The following TRANK1 variants were observed in gnomAD, a reference collection of about 807,000 sequenced individuals.
The protein encoded by TRANK1 is tetratricopeptide repeat and ankyrin repeat containing 1.
Under a neutral mutation model 266.0 loss-of-function variants are expected in TRANK1, and 198 were observed. The ratio of observed to expected loss-of-function variants is 0.74; its 90% CI spans 0.66 to 0.84. The LOEUF (loss-of-function observed/expected upper bound fraction) is 0.84, where lower values mean the gene tolerates loss of function less well. TRANK1 is among the 40% of genes least tolerant of loss of function. TRANK1 has a pLI of 0.00. For synonymous variants in TRANK1, 1,396 were observed against 1,384.1 expected (o/e 1.01, Z -0.19); for missense variants, 3,326 against 3,634.6 (o/e 0.92, Z 2.18).
chr3:36,933,967 A>G (rs2125665912), intron 1 of TRANK1, among the ~76,000 whole-genome samples: 2 of 152,312 alleles, frequency 1.3e-5, no homozygotes, highest in Admixed American at 1.3e-4. Context: ...TTCCACTGTG[A>G]TTGTTCCTTT....
chr3:36,934,780 A>T (rs1203350880), intron 1 of TRANK1, among the ~76,000 whole-genome samples: 1 of 152,146 alleles, frequency 6.6e-6, no homozygotes, highest in Non-Finnish European at 1.5e-5. Context: ...AGAATGTCCT[A>T]ACTAGAAAAC....
At chr3:36,875,594 TG>T (rs2079376133) in intron 8 of TRANK1, among the ~76,000 whole-genome samples, 1 of 152,212 alleles carries the variant, frequency 6.6e-6, no homozygotes, top group Non-Finnish European at 1.5e-5. Flanking sequence ...AAATGGGTGT[TG>T]TTTCAAGCCA....
At position 36,832,797 on chromosome 3, in the gene TRANK1, A is replaced by G. The variant is rs749164775; in HGVS notation, c.6786T>C (p.Tyr2262=). ...CATCCAGAATGGACTTGCAAAGGCC[A>G]TACATATCTGTAGACAAAATATAAT... ...EIDYILSTDM[Y]GLCKSILDVL... is the part of the protein sequence containing the mutation. The change falls in exon 22 of 24, where the codon TAT becomes TAC. Residue 2262 remains tyrosine (Y), a synonymous_variant. Coordinates refer to ENST00000645898, the MANE Select transcript of TRANK1 (RefSeq NM_001329998.2). 6.2e-7 allele frequency: 1 copy of G among 1,614,074 alleles called. No homozygotes were observed. The highest frequency in any genetic ancestry group is 1.1e-5 in the South Asian group (1 of 91,090).
At chr3:36,854,768 T>TC (rs2079029076) in intron 13 of TRANK1, among the ~76,000 whole-genome samples, 1 of 150,668 alleles carries the variant, frequency 6.6e-6, no homozygotes, top group Non-Finnish European at 1.5e-5. Flanking sequence ...CACCCTCCCT[T>TC]TTTTTTTTTT....
In TRANK1 at chr3:36,831,903, C is replaced by T. The variant is rs1247966141; in HGVS notation, c.7680G>A (p.Glu2560=). Residue 2560 remains glutamate (E), a synonymous_variant, in exon 22 of 24, where the codon GAG becomes GAA. Coordinates refer to ENST00000645898, the MANE Select transcript of TRANK1 (RefSeq NM_001329998.2). This position sits in a 1 kb window ranked among gnomAD's most constrained non-coding sequence, Gnocchi z 5.0. The part of the protein sequence containing the change: ...EIDYVVSGEA[E]RTLVLCLVML... ...TCACCAAGCACAGCACCAGTGTCCG[C>T]TCAGCCTCACCCGAGACCACATAGT... The T allele has an allele frequency of 6.2e-7, 1 of 1,614,040 alleles. No individual in the cohort carries two copies. Among genetic ancestry groups the T allele is most frequent in the Admixed American group, 1.7e-5 (1 of 60,034 alleles).
At chr3:36,882,222 T>C (rs2079541938) in intron 8 of TRANK1, among the ~76,000 whole-genome samples, 1 of 152,212 alleles carries the variant, frequency 6.6e-6, no homozygotes, top group African/African-American at 2.4e-5. Context: ...GATCCAAGTT[T>C]TCCACTTCCT....
At chr3:36,829,408 T>C (rs1268293022) in intron 23 of TRANK1, among the ~76,000 whole-genome samples, 156 bp downstream of exon 23, 1 of 152,162 alleles carries the variant, frequency 6.6e-6, no homozygotes, top group Admixed American at 6.5e-5. Context: ...ATTATGTTGC[T>C]AGTAATTTGA....
chr3:36,832,770 G>A lies in TRANK1; in HGVS notation c.6813C>T (p.Val2271=), dbSNP rs1047774131. The A allele has an allele frequency of 6.2e-7, 1 of 1,614,030 alleles. No individual in the cohort carries two copies. The highest frequency in any genetic ancestry group is 1.7e-5 in the Admixed American group (1 of 60,024). The change falls in exon 22 of 24, where the codon GTC becomes GTT. Residue 2271 remains valine, a synonymous_variant. Transcript: ENST00000645898. The part of the protein sequence containing the change: ...MYGLCKSILD[V]LFPKHFHQRV... ...TCTGATGGAAATGCTTAGGGAAAAG[G>A]ACATCCAGAATGGACTTGCAAAGGC...
At position 36,852,278 on chromosome 3, in the gene TRANK1, G is replaced by A. The variant is rs766274713; in HGVS notation, c.4617C>T (p.Arg1539=). ...CAAAGAGGCCAGAATCCCTTGGAAG[G>A]CGATCAAAAGATTCTGGGAAATAGA... ...LQFYFPESFD[R]LPRDSGLFDG... Residue 1539 remains arginine (R), a synonymous_variant, in exon 14 of 24, where the codon CGC becomes CGT. Transcript: ENST00000645898. 3.1e-6 allele frequency: 5 copies of A among 1,612,696 alleles called. No homozygotes were observed. The highest frequency in any genetic ancestry group is 1.7e-5 in the Admixed American group (1 of 59,800).
chr3:36,852,188 C>A lies in TRANK1; in HGVS notation c.4707G>T (p.Gly1569=). The A allele has an allele frequency of 6.2e-7, 1 of 1,606,178 alleles. No homozygotes were observed. Among genetic ancestry groups the A allele is most frequent in the Non-Finnish European group, 8.5e-7 (1 of 1,178,110 alleles). The change falls in exon 14 of 24, where the codon GGG becomes GGT. Residue 1569 remains glycine (G), a synonymous_variant. Transcript: ENST00000645898. The part of the protein sequence containing the change: ...SVSDLAILLR[G]NKRKTQPIEF... ...CAATGGGCTGAGTTTTCCTTTTATT[C>A]CCTCGTAGCAAAATTGCCAAGTCGC...
At chr3:36,882,159 C>A (rs2079541122) in intron 8 of TRANK1, among the ~76,000 whole-genome samples, 1 of 152,190 alleles carries the variant, frequency 6.6e-6, no homozygotes, top group African/African-American at 2.4e-5. Context: ...AACTGTCAAA[C>A]TGTTTTCCAA....
At chr3:36,914,626 ATTAT>A (rs146080846) in intron 1 of TRANK1, among the ~76,000 whole-genome samples, 8 of 151,126 alleles carry the variant, frequency 5.3e-5, no homozygotes, top group African/African-American at 9.7e-5. Flanking sequence ...ATTTTTCTAG[ATTAT>A]TTATTTATTT....
intron 1 of TRANK1, among the ~76,000 whole-genome samples, chr3:36,910,452 T>A (rs1313849439): frequency 4.6e-5 from 7 of 152,154 alleles, no homozygotes; most frequent in African/African-American, 1.7e-4. Context: ...TTTAAAATCA[T>A]GTTGTGGCTG....
intron 8 of TRANK1, among the ~76,000 whole-genome samples, chr3:36,875,793 A>G (rs768071207): frequency 1.3e-5 from 2 of 152,204 alleles, no homozygotes; most frequent in Non-Finnish European, 2.9e-5. Context: ...ATGTTTAACA[A>G]TTATAGAAAT....
Position 36,874,228 on chromosome 3 carries a change from G to A in TRANK1, c.976C>T (p.Arg326Trp), listed in dbSNP as rs1165527000. The A allele has an allele frequency of 5.9e-6, 9 of 1,537,042 alleles. No individual in the cohort carries two copies. Among genetic ancestry groups the A allele is most frequent in the South Asian group, 2.4e-5 (2 of 84,050 alleles). ...CTCTTCAGGACATCCACAACAGACC[G>A]AGACTGTCGATCCAGCAAAGTGGGA... ...ADPTLLDRQSRSVVDVLKRNK... is the reference protein window; with the variant it reads ...ADPTLLDRQSWSVVDVLKRNK... The change falls in exon 9 of 24, where the codon CGG becomes TGG. Residue 326 changes from arginine to tryptophan, a missense_variant. Transcript: ENST00000645898.
At chr3:36,917,352 G>A (rs1296520931) in intron 1 of TRANK1, among the ~76,000 whole-genome samples, 1 of 151,832 alleles carries the variant, frequency 6.6e-6, no homozygotes, top group Non-Finnish European at 1.5e-5. Flanking sequence ...TCATGAAATG[G>A]GAAAAAAGAA....
chr3:36,881,661 T>C (rs893932320), intron 8 of TRANK1, among the ~76,000 whole-genome samples: 7 of 152,162 alleles, frequency 4.6e-5, no homozygotes, highest in African/African-American at 1.7e-4. Context: ...AGTTTTAGTA[T>C]ATTTATGAAG....
chr3:36,862,421 A>G (rs921750970), intron 10 of TRANK1, among the ~76,000 whole-genome samples: 2 of 152,216 alleles, frequency 1.3e-5, no homozygotes, highest in South Asian at 2.1e-4. Flanking sequence ...CTAGTCTATC[A>G]TCTTATTTTA....
At chr3:36,868,863 T>C (rs1367867004) in intron 9 of TRANK1, among the ~76,000 whole-genome samples, 1 of 152,200 alleles carries the variant, frequency 6.6e-6, no homozygotes, top group Admixed American at 6.5e-5. Context: ...GGCTCCCCAC[T>C]GGAGGACCAG....
Sources: gnomAD v4.1 joint callset for allele counts (sites outside exome capture counted in the v4.1 genomes callset) on GRCh38, gnomAD v4.1.1 for gene constraint, Gnocchi (gnomAD v3.1) non-coding constraint, MANE v1.5 for transcripts, NCBI Gene and HGNC (gene_info 2026-07-23, HGNC 2026-07-21) for gene names.